The following PRKN variants were observed in gnomAD, a reference collection of about 807,000 sequenced individuals.
PRKN encodes E3 ubiquitin-protein ligase parkin.
A neutral mutation model predicts 59.5 loss-of-function variants in PRKN; 56 were observed. The ratio of observed to expected loss-of-function variants is 0.94; its 90% CI spans 0.76 to 1.18. The LOEUF (loss-of-function observed/expected upper bound fraction) is 1.18. Ranked by LOEUF, PRKN falls within the 50% of genes most tolerant of loss-of-function variation. The probability of loss-of-function intolerance (pLI) is 0.00; values close to 1 mark genes in which losing one functional copy is unlikely to be tolerated. For missense variants in PRKN, 657 were observed against 596.4 expected, an observed-to-expected ratio of 1.10 and a Z score of -1.06; for synonymous variants, 250 against 222.1, an observed-to-expected ratio of 1.13 and a Z score of -1.12.
intron 1 of PRKN, among the ~76,000 whole-genome samples, chr6:162,680,566 T>G (rs1165603685): frequency 6.6e-6 from 1 of 151,848 alleles, no homozygotes; most frequent in South Asian, 2.1e-4. Context: ...GTACCAGATC[T>G]GTTTCTAGTC....
intron 5 of PRKN, among the ~76,000 whole-genome samples, chr6:162,005,994 C>T (rs1400265322): frequency 6.6e-6 from 1 of 151,654 alleles, no homozygotes; most frequent in Non-Finnish European, 1.5e-5. Flanking sequence ...GGTGACATTG[C>T]TAAATTTAAA....
chr6:161,926,308 A>G (rs1342748383), intron 6 of PRKN, among the ~76,000 whole-genome samples: 2 of 152,122 alleles, frequency 1.3e-5, no homozygotes. Context: ...TCCCTATTAT[A>G]TATTCCTGTA....
At chr6:161,755,006 G>C (rs1788856122) in intron 7 of PRKN, among the ~76,000 whole-genome samples, 1 of 152,188 alleles carries the variant, frequency 6.6e-6, no homozygotes, top group Non-Finnish European at 1.5e-5. Context: ...ACCTACCAGG[G>C]AAAGTGCTTA....
rs758219154 is a variant in PRKN at position 161,377,115 on chromosome 6, C to G, written c.1167+9679G>C. Among the ~76,000 whole-genome samples, 1 of 152,178 alleles carries G rather than the reference C, an allele frequency of 6.6e-6. No individual in the cohort carries two copies. The highest frequency in any genetic ancestry group is 2.4e-5 in the African/African-American group (1 of 41,442). On this transcript the variant is annotated intron_variant, in intron 10 of 11. Transcript: ENST00000366898. This position sits in a 1 kb window ranked among gnomAD's most constrained non-coding sequence, Gnocchi z 4.2. ...GTGTCTGTGGAGGGAAAAGAGGTCA[C>G]GTGGGGCTACCTGCGGGCCAATAAG...
chr6:161,936,202 T>C (rs1779350064), intron 6 of PRKN, among the ~76,000 whole-genome samples: 1 of 150,676 alleles, frequency 6.6e-6, no homozygotes, highest in Non-Finnish European at 1.5e-5. Context: ...ACAAAGGTCA[T>C]GGCAACATTT....
intron 3 of PRKN, among the ~76,000 whole-genome samples, chr6:162,203,185 A>G (rs1235791100): frequency 6.6e-6 from 1 of 152,218 alleles, no homozygotes; most frequent in Non-Finnish European, 1.5e-5. Context: ...CTAATGATAT[A>G]TCAACGCAGA....
intron 7 of PRKN, among the ~76,000 whole-genome samples, chr6:161,641,626 C>A (rs1418212894): frequency 3.9e-5 from 6 of 152,192 alleles, no homozygotes; most frequent in African/African-American, 1.4e-4. Flanking sequence ...TTCTCTATTG[C>A]AATTCCCCAG....
intron 1 of PRKN, among the ~76,000 whole-genome samples, chr6:162,712,171 TAG>T (rs1362022134): frequency 6.6e-6 from 1 of 152,208 alleles, no homozygotes; most frequent in African/African-American, 2.4e-5. Flanking sequence ...TGGGGATGGA[TAG>T]AGACAGTTTT....
In PRKN at chr6:161,356,005, T is replaced by TGAC. The variant is rs1784732998; in HGVS notation, c.1285+4080_1285+4082dup. ...CGGGCACAGCCTAAGAGGCCTGAGC[T>TGAC]GACGTCCAGGAGCTCTGGGGATGGG... On this transcript the variant is annotated intron_variant, in intron 11 of 11. Coordinates refer to ENST00000366898, the MANE Select transcript of PRKN (RefSeq NM_004562.3). The surrounding 1 kb of genome is among the most constrained non-coding windows in gnomAD (Gnocchi z 7.8). Among the ~76,000 whole-genome samples, 2 of 152,206 alleles carry TGAC rather than the reference T, an allele frequency of 1.3e-5. No individual in the cohort carries two copies. The highest frequency in any genetic ancestry group is 2.9e-5 in the Non-Finnish European group (2 of 68,032).
In PRKN at chr6:161,467,757, T is replaced by C. The variant is rs749338848; in HGVS notation, c.1084-80880A>G. ...CTATGTGCCCAGCAAAATTCTACTT[T>C]TCCAGCCTTGCTTGCATTAGGGCTG... On this transcript the variant is annotated intron_variant, in intron 9 of 11. Transcript: ENST00000366898. This position sits in a 1 kb window ranked among gnomAD's most constrained non-coding sequence, Gnocchi z 4.3. Among the ~76,000 whole-genome samples the C allele has an allele frequency of 1.9e-4, 29 of 152,150 alleles. No homozygotes were observed. Among genetic ancestry groups the C allele is most frequent in the Non-Finnish European group, 3.8e-4 (26 of 68,022 alleles).
chr6:161,469,186 A>G (rs964995852), intron 9 of PRKN, among the ~76,000 whole-genome samples: 9 of 152,154 alleles, frequency 5.9e-5, no homozygotes, highest in African/African-American at 2.2e-4. Flanking sequence ...GGTGGAGATA[A>G]ATGAATCATG....
At chr6:162,459,671 G>A (rs4709617) in intron 1 of PRKN, among the ~76,000 whole-genome samples, 20,447 of 152,090 alleles carry the variant, frequency 0.13, 1,656 homozygotes, top group East Asian at 0.34. Flanking sequence ...ATCTTACAGA[G>A]TTGTTATAAG....
At chr6:161,759,328 T>C (rs1171650633) in intron 7 of PRKN, among the ~76,000 whole-genome samples, 1 of 152,140 alleles carries the variant, frequency 6.6e-6, no homozygotes, top group Non-Finnish European at 1.5e-5. Context: ...TCTAGGGGCT[T>C]CCTAGGTCAG....
intron 2 of PRKN, among the ~76,000 whole-genome samples, chr6:162,413,292 G>A (rs940338317): frequency 5.9e-5 from 9 of 152,082 alleles, no homozygotes; most frequent in Non-Finnish European, 1.2e-4. Flanking sequence ...TTCAGACCAC[G>A]ACACACAGCT....
intron 1 of PRKN, among the ~76,000 whole-genome samples, chr6:162,510,488 G>C (rs1777554004): frequency 6.6e-6 from 1 of 152,188 alleles, no homozygotes; most frequent in Non-Finnish European, 1.5e-5. Context: ...TTGGCCAGCT[G>C]CACCGAGGAA....
intron 1 of PRKN, among the ~76,000 whole-genome samples, chr6:162,566,482 C>G (rs1780084719): frequency 6.6e-6 from 1 of 151,954 alleles, no homozygotes; most frequent in Admixed American, 6.6e-5. Context: ...TTCAAAGGAT[C>G]ATTAGTGGCT....
At chr6:161,564,597 A>G (rs1780570666) in intron 8 of PRKN, among the ~76,000 whole-genome samples, 1 of 152,204 alleles carries the variant, frequency 6.6e-6, no homozygotes, top group Non-Finnish European at 1.5e-5. Context: ...AGTACCACAA[A>G]GCATTGCTCT....
intron 11 of PRKN, among the ~76,000 whole-genome samples, chr6:161,350,669 AT>A (rs1187252974): frequency 2.6e-5 from 2 of 75,542 alleles, no homozygotes; most frequent in African/African-American, 6.1e-5. Context: ...ATATATTTAT[AT>A]TTAAAATATA....
chr6:161,418,801 G>T (rs186361259), intron 9 of PRKN, among the ~76,000 whole-genome samples: 3 of 152,270 alleles, frequency 2.0e-5, no homozygotes, highest in African/African-American at 7.2e-5. Flanking sequence ...TAGCACCATT[G>T]TAAGAATTCC....
Sources: allele counts gnomAD v4.1 joint callset (sites outside exome capture counted in the v4.1 genomes callset), GRCh38; gene constraint gnomAD v4.1.1; non-coding constraint Gnocchi (gnomAD v3.1); transcripts MANE v1.5; gene names NCBI Gene and HGNC (gene_info 2026-07-23, HGNC 2026-07-21).